Variants in FLRT2 observed in about 807,000 individuals in gnomAD.
FLRT2 encodes the protein fibronectin leucine rich transmembrane protein 2.
A neutral mutation model predicts 40.0 loss-of-function variants in FLRT2; 15 were observed. The ratio of observed to expected loss-of-function variants is 0.38; its 90% CI spans 0.25 to 0.58. The LOEUF (loss-of-function observed/expected upper bound fraction) is 0.58, where lower values mean the gene tolerates loss of function less well. Ranked by LOEUF, FLRT2 falls within the 20% of genes least tolerant of loss-of-function variation. The pLI, the probability that FLRT2 is intolerant of heterozygous loss-of-function variation, is 0.71. For synonymous variants in FLRT2, 380 were observed against 336.8 expected (o/e 1.13, Z -1.41); for missense variants, 726 against 840.0 (o/e 0.86, Z 1.68).
chr14:85,537,597 AACACACACAC>A (rs146056490), intron 1 of FLRT2, among the ~76,000 whole-genome samples: 53 of 150,044 alleles, frequency 3.5e-4, no homozygotes, highest in Non-Finnish European at 1.2e-4. Context: ...TTTATAGTAA[AACACACACAC>A]ACACACACAC....
rs1595095210 is a variant in FLRT2, at chr14:85,621,428, C to A, written c.-87C>A. The A allele has an allele frequency of 1.6e-6, 2 of 1,263,110 alleles. No individual in the cohort carries two copies. Among genetic ancestry groups the A allele is most frequent in the Non-Finnish European group, 2.2e-6 (2 of 923,004 alleles). 78.2% of individuals were successfully genotyped at this position (1,263,110 alleles called of 1,614,324 possible). The stretch of plus-strand genomic sequence containing the variant: ...CTGGAGTTCTGGACTTCAACAGAAC[C>A]CCATCCAGTCATTTTGATTTTGCTG... On this transcript the variant is annotated 5_prime_UTR_variant, in exon 2 of 2. Coordinates refer to ENST00000330753, the MANE Select transcript of FLRT2 (RefSeq NM_013231.6).
rs909015240 is a variant in FLRT2, at chr14:85,590,565, G to A, written c.-376-30574G>A. Among the ~76,000 whole-genome samples, 6 of 152,036 alleles carry A rather than the reference G, an allele frequency of 3.9e-5. No homozygotes were observed. In the East Asian group the frequency reaches 1.2e-3, roughly 29 times the overall value. ...CACAGTATCATGCATATGGAGAAGG[G>A]ATAGAGTAAGGATATTTATTTTATT... On this transcript the variant is annotated intron_variant, in intron 1 of 1. Coordinates refer to ENST00000330753, the MANE Select transcript of FLRT2 (RefSeq NM_013231.6).
At chr14:85,603,671 C>T (rs1595075116) in intron 1 of FLRT2, among the ~76,000 whole-genome samples, 1 of 151,872 alleles carries the variant, frequency 6.6e-6, no homozygotes, top group Admixed American at 6.6e-5. Context: ...GAGTTTGAGA[C>T]CAGTCTGGCC....
At chr14:85,546,280 C>T (rs531030552) in intron 1 of FLRT2, among the ~76,000 whole-genome samples, 28 of 152,112 alleles carry the variant, frequency 1.8e-4, no homozygotes, top group Non-Finnish European at 3.2e-4. Context: ...TTAATACTGT[C>T]GAAATTATGT....
In FLRT2 at chr14:85,638,514, G is replaced by C. The variant is rs1278061083; in HGVS notation, c.*15017G>C. 1 of 152,156 alleles carries C rather than the reference G, an allele frequency of 6.6e-6. No homozygotes were observed. Among genetic ancestry groups the C allele is most frequent in the African/African-American group, 2.4e-5 (1 of 41,404 alleles). 9.4% of individuals were successfully genotyped at this position (152,156 alleles called of 1,614,324 possible). On this transcript the variant is annotated 3_prime_UTR_variant, in exon 2 of 2. Coordinates refer to ENST00000330753, the MANE Select transcript of FLRT2 (RefSeq NM_013231.6). ...TCTTCATAGCCTTCCACAGGTGTCA[G>C]CTGCAAAAACCCTCCCAAGTAAGCC...
rs1384202372 is a variant in FLRT2 at position 85,654,340 on chromosome 14, A to T, written c.*30843A>T. The T allele has an allele frequency of 6.6e-6, 1 of 152,192 alleles. No individual in the cohort carries two copies. The highest frequency in any genetic ancestry group is 1.9e-4 in the East Asian group (1 of 5,196). 9.4% of individuals were successfully genotyped at this position (152,192 alleles called of 1,614,324 possible). On this transcript the variant is annotated 3_prime_UTR_variant, in exon 2 of 2. Transcript: ENST00000330753. ...AAAGTACAAAATAAAAGTTACCCAT[A>T]TTCTTATCAGCCAGATCTAACTAAT...
chr14:85,631,112 T>TTATATATATATATTATA lies in FLRT2; in HGVS notation c.*7628_*7629insTATATATATATATATAT. 1.1e-5 allele frequency: 1 copy of TTATATATATATATTATA among 91,862 alleles called. No individual in the cohort carries two copies. Among genetic ancestry groups the TTATATATATATATTATA allele is most frequent in the African/African-American group, 6.0e-5 (1 of 16,806 alleles). 5.7% of individuals were successfully genotyped at this position (91,862 alleles called of 1,614,324 possible). On this transcript the variant is annotated 3_prime_UTR_variant, in exon 2 of 2. Transcript: ENST00000330753. ...TATAATTACATATATAATCTAGATT[T>TTATATATATATATTATA]TATATATATATATATATGAAATGAG...
At chr14:85,612,362 A>T (rs1207957967) in intron 1 of FLRT2, among the ~76,000 whole-genome samples, 1 of 152,150 alleles carries the variant, frequency 6.6e-6, no homozygotes, top group African/African-American at 2.4e-5. Context: ...CAAGGCCACC[A>T]CTATAGATTA....
chr14:85,588,674 A>G (rs1891747732), intron 1 of FLRT2, among the ~76,000 whole-genome samples: 1 of 152,134 alleles, frequency 6.6e-6, no homozygotes, highest in Non-Finnish European at 1.5e-5. Flanking sequence ...ATTATTCATC[A>G]TAGTCACCCC....
chr14:85,597,123 G>T (rs1892176523), intron 1 of FLRT2, among the ~76,000 whole-genome samples: 1 of 152,000 alleles, frequency 6.6e-6, no homozygotes, highest in South Asian at 2.1e-4. Context: ...TGGCGCTTTT[G>T]AACTCAAATC....
At chr14:85,613,892 A>T in intron 1 of FLRT2, among the ~76,000 whole-genome samples, 1 of 152,190 alleles carries the variant, frequency 6.6e-6, no homozygotes, top group East Asian at 1.9e-4. Flanking sequence ...GTATATTACC[A>T]AAGGAAAGAA....
At chr14:85,596,977 A>G (rs1234983268) in intron 1 of FLRT2, among the ~76,000 whole-genome samples, 1 of 152,178 alleles carries the variant, frequency 6.6e-6, no homozygotes, top group Non-Finnish European at 1.5e-5. Flanking sequence ...TTTATTCTTT[A>G]TTATCTTTAG....
Position 85,623,832 on chromosome 14 carries a change from C to A in FLRT2, c.*335C>A, listed in dbSNP as rs1259485177. On this transcript the variant is annotated 3_prime_UTR_variant, in exon 2 of 2. Coordinates refer to ENST00000330753, the MANE Select transcript of FLRT2 (RefSeq NM_013231.6). The stretch of plus-strand genomic sequence containing the variant: ...ATTTTTCCTTAGGATACACATCAAC[C>A]ACTTTGCTGTTGAAGCTGTCAGAAT... The A allele has an allele frequency of 4.6e-6, 1 of 218,882 alleles. No homozygotes were observed. The highest frequency in any genetic ancestry group is 9.7e-6 in the Non-Finnish European group (1 of 103,226). The allele number at this position is 218,882 out of a possible 1,614,324, so 13.6% of individuals were successfully genotyped here. A position where few individuals can be genotyped will look rare whatever the true frequency, so the allele number is the denominator to read the frequency against.
intron 1 of FLRT2, among the ~76,000 whole-genome samples, chr14:85,598,916 G>GT (rs11449675): frequency 0.6 from 72,415 of 120,128 alleles, 23,070 homozygotes; most frequent in Middle Eastern, 0.65. Context: ...AAATGGGATG[G>GT]TTTTTTTTTT....
rs552438256 is a variant in FLRT2 at position 85,633,164 on chromosome 14, C to T, written c.*9667C>T. ...AAGGTAATTAGCATTCAAAATTCCT[C>T]AAAACACTCAATAATTTGCACAGCT... On this transcript the variant is annotated 3_prime_UTR_variant, in exon 2 of 2. Transcript: ENST00000330753. The T allele has an allele frequency of 3.2e-4, 48 of 152,210 alleles. No homozygotes were observed. The highest frequency in any genetic ancestry group is 1.1e-3 in the African/African-American group (45 of 41,546). The allele number at this position is 152,210 out of a possible 1,614,324, so 9.4% of individuals were successfully genotyped here. A position where few individuals can be genotyped will look rare whatever the true frequency, so the allele number is the denominator to read the frequency against.
In FLRT2 at chr14:85,622,514, G is replaced by T. The variant is rs1443826047; in HGVS notation, c.1000G>T (p.Val334Leu). Residue 334 changes from valine (V) to leucine (L), a missense_variant, in exon 2 of 2, where the codon GTG becomes TTG. This residue lies in a region of FLRT2 where 611 missense variants were observed against 690.0 expected (regional missense o/e 0.89). Transcript: ENST00000330753. The stretch of plus-strand genomic sequence containing the variant: ...CAAATATATCCCTTCATCTCTCAAC[G>T]TGCGGGGTTTCATGTGCCAAGGTCC... ...WLKYIPSSLN[V>L]RGFMCQGPEQ... 3.1e-6 allele frequency: 5 copies of T among 1,613,958 alleles called. No homozygotes were observed. The highest frequency in any genetic ancestry group is 4.2e-6 in the Non-Finnish European group (5 of 1,180,018).
rs757793299 is a variant in FLRT2 at position 85,645,572 on chromosome 14, A to T, written c.*22075A>T. Reference sequence around the variant, plus strand: ...GATACAATTTGGATCATTGGTAATAAGGAGACTTAGGGAAGAAATACGTGT... The same window carrying T: ...GATACAATTTGGATCATTGGTAATATGGAGACTTAGGGAAGAAATACGTGT... On this transcript the variant is annotated 3_prime_UTR_variant, in exon 2 of 2. Transcript: ENST00000330753. 1 of 152,166 alleles carries T rather than the reference A, an allele frequency of 6.6e-6. No individual in the cohort carries two copies. The highest frequency in any genetic ancestry group is 1.5e-5 in the Non-Finnish European group (1 of 68,026). 9.4% of individuals were successfully genotyped at this position (152,166 alleles called of 1,614,324 possible). A position where few individuals can be genotyped will look rare whatever the true frequency, so the allele number is the denominator to read the frequency against.
In FLRT2 at chr14:85,530,271, C is replaced by T. The variant is rs1301466591; in HGVS notation, c.-640C>T. 6.5e-6 allele frequency: 1 copy of T among 152,680 alleles called. No individual in the cohort carries two copies. Among genetic ancestry groups the T allele is most frequent in the Non-Finnish European group, 1.5e-5 (1 of 68,068 alleles). 9.5% of individuals were successfully genotyped at this position (152,680 alleles called of 1,614,324 possible). ...TCCGCGCCAAGGCGCTGAGCTACTC[C>T]TTTCCGAGGTGCGCCTCTGGTCCTC... On this transcript the variant is annotated 5_prime_UTR_variant, in exon 1 of 2. Transcript: ENST00000330753.
chr14:85,575,974 T>C (rs1891111838), intron 1 of FLRT2, among the ~76,000 whole-genome samples: 1 of 152,202 alleles, frequency 6.6e-6, no homozygotes, highest in Non-Finnish European at 1.5e-5. Context: ...TAATTCCCTC[T>C]TGCCTTTAAA....
Sources: allele counts gnomAD v4.1 joint callset (sites outside exome capture counted in the v4.1 genomes callset), GRCh38; gene constraint gnomAD v4.1.1; regional missense constraint gnomAD v4.1.1; transcripts MANE v1.5; gene names NCBI Gene and HGNC (gene_info 2026-07-23, HGNC 2026-07-21).